POLE: variants seen among roughly 807,000 people sequenced by gnomAD.
POLE encodes the protein DNA polymerase epsilon, catalytic subunit, also known as DNA polymerase epsilon catalytic subunit A.
A neutral mutation model predicts 279.2 loss-of-function variants in POLE; 188 were observed. The ratio of observed to expected loss-of-function variants is 0.67; its 90% CI spans 0.60 to 0.76. The LOEUF (loss-of-function observed/expected upper bound fraction) is 0.76. Among genes scored for constraint, POLE ranks in the 30% least tolerant of loss-of-function variants. The pLI is 0.00. For synonymous variants in POLE, 1,214 were observed against 1,172.5 expected, an observed-to-expected ratio of 1.04 and a Z score of -0.72; for missense variants, 2,703 against 3,016.7, an observed-to-expected ratio of 0.90 and a Z score of 2.44.
chr12:132,638,353 A>T (rs2042075820), intron 40 of POLE: 5 of 359,624 alleles, frequency 1.4e-5, no homozygotes, highest in Non-Finnish European at 2.5e-5. Flanking sequence ...ACAGGAAAAA[A>T]TTAGCAAATT....
chr12:132,672,571 G>C (rs2042954103), intron 15 of POLE, 56 bp downstream of exon 15: 2 of 1,548,542 alleles, frequency 1.3e-6, no homozygotes, highest in Non-Finnish European at 8.9e-7. Flanking sequence ...TGCAGCTTCT[G>C]GGTCCTACCA....
At position 132,687,007 on chromosome 12, in the gene POLE, G is replaced by A. The variant is rs999361894; in HGVS notation, c.62+247C>T. ...CGAGGCCCGAAAAACCTCAGAAAGAGCCGAGCAGGGAAAGGCCGCGCGGCC... is the reference window on the plus strand; with the variant it reads ...CGAGGCCCGAAAAACCTCAGAAAGAACCGAGCAGGGAAAGGCCGCGCGGCC... On this transcript the variant is annotated intron_variant, in intron 1 of 48. Coordinates refer to ENST00000320574, the MANE Select transcript of POLE (RefSeq NM_006231.4). Among the ~76,000 whole-genome samples the A allele has an allele frequency of 9.9e-5, 15 of 151,542 alleles. No homozygotes were observed. The East Asian group carries it at 2.9e-3, about 30-fold the overall frequency.
At chr12:132,649,242 C>T (rs1363899308) in intron 31 of POLE, 64 bp downstream of exon 31, 2 of 1,561,236 alleles carry the variant, frequency 1.3e-6, no homozygotes, top group South Asian at 2.3e-5. Context: ...CAGGGCCCAG[C>T]TGGACACCCC....
Position 132,664,395 on chromosome 12 carries a change from C to T in POLE, c.2536G>A (p.Ala846Thr). 1 of 1,614,032 alleles carries T rather than the reference C, an allele frequency of 6.2e-7. No homozygotes were observed. The highest frequency in any genetic ancestry group is 8.5e-7 in the Non-Finnish European group (1 of 1,179,996). ...CFTGANIITQARELIEQIGRP... is the reference protein window; with the variant it reads ...CFTGANIITQTRELIEQIGRP... The stretch of plus-strand genomic sequence containing the variant: ...CCAATCTGCTCGATCAGCTCCCGTG[C>T]CTGGGTGATGATGTTGGCCCCTGTG... The change falls in exon 22 of 49, where the codon GCA becomes ACA. Residue 846 changes from alanine (A) to threonine (T), a missense_variant. Ala to Thr is a moderately conservative substitution (Grantham distance 58, BLOSUM62 0). This residue lies in a region of POLE where 21 missense variants were observed against 51.9 expected (regional missense o/e 0.40). Transcript: ENST00000320574. This position sits in a 1 kb window ranked among gnomAD's most constrained non-coding sequence, Gnocchi z 5.3.
Position 132,657,150 on chromosome 12 carries a change from C to T in POLE, c.3568G>A (p.Glu1190Lys). The change falls in exon 29 of 49, where the codon GAG becomes AAG. Residue 1190 changes from glutamate (E) to lysine (K), a missense_variant. Around this residue, in one of 5 missense-constraint regions of POLE, gnomAD observed 1,551 missense variants for 1,686.1 expected, o/e 0.92. Coordinates refer to ENST00000320574, the MANE Select transcript of POLE (RefSeq NM_006231.4). ...QKKISELFTLEGRRQVTMAEA... is the reference protein window; with the variant it reads ...QKKISELFTLKGRRQVTMAEA... ...CCCACCGTCACCTGTCTCCTGCCCT[C>T]CAGGGTGAAGAGCTCACTGATCTTC... is the stretch of plus-strand genomic sequence containing the variant. 2 of 1,614,054 alleles carry T rather than the reference C, an allele frequency of 1.2e-6. No homozygotes were observed. Among genetic ancestry groups the T allele is most frequent in the Non-Finnish European group, 1.7e-6 (2 of 1,179,992 alleles).
In POLE at chr12:132,649,685, T is replaced by G. The variant is rs1025864203; in HGVS notation, c.3787A>C (p.Thr1263Pro). Residue 1263 changes from threonine to proline, a missense_variant, in exon 30 of 49, where the codon ACC (threonine) becomes CCC (proline). Physicochemically the swap from Thr to Pro is conservative, Grantham distance 38. Coordinates refer to ENST00000320574, the MANE Select transcript of POLE (RefSeq NM_006231.4). ...EILGQPPALG[T>P]SQEEWLVWLR... The stretch of plus-strand genomic sequence containing the variant: ...ACAGCTGTGTGCCTTACCTGGCTGG[T>G]TCCCAGGGCGGGAGGCTGCCCCAAG... 6.2e-7 allele frequency: 1 copy of G among 1,613,926 alleles called. No homozygotes were observed. The highest frequency in any genetic ancestry group is 8.5e-7 in the Non-Finnish European group (1 of 1,179,988).
chr12:132,686,327 G>A (rs1026043193), intron 1 of POLE, among the ~76,000 whole-genome samples: 2 of 151,910 alleles, frequency 1.3e-5, no homozygotes, highest in Non-Finnish European at 1.5e-5. Context: ...GCGCGATCCC[G>A]GCTCACAGCA....
chr12:132,676,610 G>C lies in POLE; in HGVS notation c.845C>G (p.Pro282Arg), dbSNP rs2136016022. Residue 282 changes from proline (P) to arginine (R), a missense_variant, in exon 9 of 49, where the codon CCC becomes CGC. This residue lies in a region of POLE where 1,011 missense variants were observed against 1,111.7 expected (regional missense o/e 0.91). Transcript: ENST00000320574. The part of the protein sequence containing the change: ...LAFDIETTKL[P>R]LKFPDAETDQ... The stretch of plus-strand genomic sequence containing the variant: ...TGTCTCAGCATCAGGAAACTTGAGG[G>C]GCAGTTTGGTCGTCTCAATGTCAAA... The C allele has an allele frequency of 6.2e-7, 1 of 1,613,896 alleles. No individual in the cohort carries two copies. Among genetic ancestry groups the C allele is most frequent in the Non-Finnish European group, 8.5e-7 (1 of 1,179,850 alleles).
rs759418004 is a variant in POLE at position 132,676,060 on chromosome 12, A to C, written c.1020+34T>G. The C allele has an allele frequency of 2.2e-6, 3 of 1,378,368 alleles. No homozygotes were observed. In the East Asian group the frequency reaches 6.8e-5, roughly 31 times the overall value. 85.4% of individuals were successfully genotyped at this position (1,378,368 alleles called of 1,614,324 possible). A position where few individuals can be genotyped will look rare whatever the true frequency, so the allele number is the denominator to read the frequency against. On this transcript the variant is annotated intron_variant, in intron 10 of 48. Coordinates refer to ENST00000320574, the MANE Select transcript of POLE (RefSeq NM_006231.4). ...GATCCACATGTCCGTTCTTCCCACAATACCGGGTAGTTTCCCAAGTGATAC... is the reference window on the plus strand; with the variant it reads ...GATCCACATGTCCGTTCTTCCCACACTACCGGGTAGTTTCCCAAGTGATAC...
rs1173624293 is a variant in POLE at position 132,668,008 on chromosome 12, G to C, written c.2173+348C>G. On this transcript the variant is annotated intron_variant, in intron 19 of 48. Coordinates refer to ENST00000320574, the MANE Select transcript of POLE (RefSeq NM_006231.4). This position sits in a 1 kb window ranked among gnomAD's most constrained non-coding sequence, Gnocchi z 4.0. Reference sequence around the variant, plus strand: ...TGAGATGGGAGGATTGCCGGTGCCTGGGAGGTTGAGGCTGCAGTGAGCCAA... The same window carrying C: ...TGAGATGGGAGGATTGCCGGTGCCTCGGAGGTTGAGGCTGCAGTGAGCCAA... 6.6e-6 allele frequency among the ~76,000 whole-genome samples: 1 copy of C among 152,064 alleles called. No homozygotes were observed. Among genetic ancestry groups the C allele is most frequent in the Admixed American group, 6.5e-5 (1 of 15,272 alleles).
rs2135978812 is a variant in POLE, at chr12:132,668,795, G to T, written c.1923+16C>A. The T allele has an allele frequency of 6.2e-7, 1 of 1,613,882 alleles. No individual in the cohort carries two copies. Among genetic ancestry groups the T allele is most frequent in the Admixed American group, 1.7e-5 (1 of 60,014 alleles). On this transcript the variant is annotated intron_variant, in intron 17 of 48. Coordinates refer to ENST00000320574, the MANE Select transcript of POLE (RefSeq NM_006231.4). The surrounding 1 kb of genome is among the most constrained non-coding windows in gnomAD (Gnocchi z 4.0). ...CAGAGAGAGCTCCGACTCTGACACG[G>T]GAAGTAAAGTCTCACCTGCAGGCGG...
intron 32 of POLE, among the ~76,000 whole-genome samples, chr12:132,647,360 G>C (rs1019722348): frequency 1.3e-5 from 2 of 150,356 alleles, no homozygotes; most frequent in African/African-American, 4.9e-5. Flanking sequence ...TTTAAAAAGA[G>C]AGGAAAAATG....
rs773855328 is a variant in POLE at position 132,657,107 on chromosome 12, C to A, written c.3582+29G>T. On this transcript the variant is annotated intron_variant, in intron 29 of 48. Transcript: ENST00000320574. ...GTCCTGTGTGTCACAAGGATCCCGC[C>A]CAGCCCAGCCTTGGGGCCCCACCGT... The A allele has an allele frequency of 7.8e-5, 125 of 1,612,314 alleles. No individual in the cohort carries two copies. The highest frequency in any genetic ancestry group is 1.0e-4 in the Non-Finnish European group (120 of 1,179,064).
rs2042213175 is a variant in POLE, at chr12:132,643,859, A to T, written c.4268T>A (p.Ile1423Asn). 1 of 1,613,974 alleles carries T rather than the reference A, an allele frequency of 6.2e-7. No homozygotes were observed. The highest frequency in any genetic ancestry group is 8.5e-7 in the Non-Finnish European group (1 of 1,180,000). Residue 1423 changes from isoleucine to asparagine, a missense_variant, in exon 33 of 49, where the codon ATC (isoleucine) becomes AAC (asparagine). By Grantham distance (149) the Ile-to-Asn change is moderately radical. Coordinates refer to ENST00000320574, the MANE Select transcript of POLE (RefSeq NM_006231.4). ...CACCTGAGTCTCATATACGCCCTCG[A>T]TGTCTGGCGCTGACAGCTCAGCGTT... ...EINAELSAPD[I>N]EGVYETQVPL...
chr12:132,624,655 A>C lies in POLE; in HGVS notation c.*42T>G, dbSNP rs5745083. 2.3e-5 allele frequency: 26 copies of C among 1,108,646 alleles called. 1 individual carries two copies. In the Admixed American group the frequency reaches 4.0e-4, roughly 17 times the overall value. 68.7% of individuals were successfully genotyped at this position (1,108,646 alleles called of 1,614,324 possible). On this transcript the variant is annotated 3_prime_UTR_variant, in exon 49 of 49. Transcript: ENST00000320574. ...ACGGGGATGTGGCCTTGGCATCAGG[A>C]GGCCTGGCACGGACGCAGAGGCACC...
intron 26 of POLE, 148 bp from the exon 27 acceptor site, chr12:132,658,118 C>T: frequency 4.9e-6 from 3 of 606,802 alleles, no homozygotes; most frequent in Admixed American, 2.9e-5. Flanking sequence ...TATGTATGCA[C>T]AAACATGCCT....
At chr12:132,633,096 G>A (rs1001061032) in intron 43 of POLE, 25 of 228,396 alleles carry the variant, frequency 1.1e-4, no homozygotes, top group African/African-American at 5.5e-4. Context: ...CACAAGCAAA[G>A]GCAGGGCCCC....
rs374022997 is a variant in POLE at position 132,638,059 on chromosome 12, C to T, written c.5633G>A (p.Arg1878His). 6.9e-5 allele frequency: 111 copies of T among 1,614,036 alleles called. No homozygotes were observed. Among genetic ancestry groups the T allele is most frequent in the Non-Finnish European group, 9.0e-5 (106 of 1,179,982 alleles). ...GTAAGCGATGGCATCTTCCACACGG[C>T]GCTTCTTTGTACAGAGGATGATGCG... ...FNRIILCTKKRRVEDAIAYVE... is the reference protein window; with the variant it reads ...FNRIILCTKKHRVEDAIAYVE... Residue 1878 changes from arginine to histidine, a missense_variant, in exon 41 of 49, where the codon CGC (arginine) becomes CAC (histidine). By Grantham distance (29) the Arg-to-His change is conservative. Around this residue, in one of 5 missense-constraint regions of POLE, gnomAD observed 1,551 missense variants for 1,686.1 expected, o/e 0.92. Coordinates refer to ENST00000320574, the MANE Select transcript of POLE (RefSeq NM_006231.4).
intron 40 of POLE, chr12:132,638,555 C>T (rs544332711): frequency 3.0e-5 from 5 of 167,308 alleles, no homozygotes; most frequent in East Asian, 1.8e-4. Flanking sequence ...TAATAATCCC[C>T]GGCCATGTTG....
Sources: allele counts gnomAD v4.1 joint callset (sites outside exome capture counted in the v4.1 genomes callset), GRCh38; gene constraint gnomAD v4.1.1; regional missense constraint gnomAD v4.1.1; non-coding constraint Gnocchi (gnomAD v3.1); transcripts MANE v1.5; gene names NCBI Gene and HGNC (gene_info 2026-07-23, HGNC 2026-07-21).